Variants in ROBO1 observed in about 807,000 individuals in gnomAD.
ROBO1 encodes roundabout guidance receptor 1, also known as roundabout homolog 1.
A neutral mutation model predicts 195.9 loss-of-function variants in ROBO1; 149 were observed. That is an observed-to-expected ratio of 0.76 (90% CI 0.67 to 0.87). The LOEUF is 0.87. Ranked by LOEUF, ROBO1 falls within the 40% of genes least tolerant of loss-of-function variation. ROBO1 has a pLI of 0.00. For synonymous variants in ROBO1, 816 were observed against 733.2 expected, an observed-to-expected ratio of 1.11 and a Z score of -1.82; for missense variants, 1,933 against 2,068.3, an observed-to-expected ratio of 0.93 and a Z score of 1.27.
intron 2 of ROBO1, among the ~76,000 whole-genome samples, chr3:79,433,123 T>C (rs1301654531): frequency 6.6e-6 from 1 of 152,104 alleles, no homozygotes; most frequent in East Asian, 1.9e-4. Flanking sequence ...TCCCATCACC[T>C]AGGTATTAAG....
chr3:78,944,694 C>T (rs1192259945), intron 3 of ROBO1, among the ~76,000 whole-genome samples: 10 of 152,174 alleles, frequency 6.6e-5, no homozygotes, highest in African/African-American at 1.2e-4. Context: ...GCACCGTGTG[C>T]GAGTCAAACC....
chr3:79,679,913 G>C (rs578089336), intron 1 of ROBO1, among the ~76,000 whole-genome samples: 57 of 152,158 alleles, frequency 3.7e-4, no homozygotes, highest in African/African-American at 1.3e-3. Context: ...CAATGTTCTT[G>C]AGTTTAATGA....
At chr3:79,535,460 G>C (rs904654466) in intron 2 of ROBO1, among the ~76,000 whole-genome samples, 3 of 152,124 alleles carry the variant, frequency 2.0e-5, no homozygotes, top group Non-Finnish European at 4.4e-5. Flanking sequence ...TTATGTTAAA[G>C]TAATGAAAAT....
intron 2 of ROBO1, among the ~76,000 whole-genome samples, chr3:79,365,815 T>G (rs56900877): frequency 8.4e-4 from 125 of 149,520 alleles, no homozygotes; most frequent in African/African-American, 2.9e-3. Flanking sequence ...GAGAATGGCG[T>G]GAACCCAGGA....
intron 4 of ROBO1, among the ~76,000 whole-genome samples, chr3:78,764,809 A>G (rs762076887): frequency 1.3e-5 from 2 of 152,170 alleles, no homozygotes; most frequent in African/African-American, 4.8e-5. Flanking sequence ...CATAATTGCT[A>G]CCTGTCACAG....
At chr3:78,933,421 T>C (rs2039638302) in intron 4 of ROBO1, among the ~76,000 whole-genome samples, 1 of 152,150 alleles carries the variant, frequency 6.6e-6, no homozygotes, top group Admixed American at 6.5e-5. Context: ...TCCAAATACT[T>C]CTGCTTTTTT....
chr3:78,609,884 T>C (rs1703705867), intron 28 of ROBO1, among the ~76,000 whole-genome samples: 1 of 152,214 alleles, frequency 6.6e-6, no homozygotes, highest in Non-Finnish European at 1.5e-5. Flanking sequence ...TTTTGTTCCA[T>C]AAATATACAA....
At chr3:79,329,892 G>C (rs762714270) in intron 2 of ROBO1, among the ~76,000 whole-genome samples, 1 of 151,872 alleles carries the variant, frequency 6.6e-6, no homozygotes, top group Non-Finnish European at 1.5e-5. Flanking sequence ...GATTATATAC[G>C]TATTCTTATT....
At chr3:78,920,606 T>C (rs2038880991) in intron 4 of ROBO1, among the ~76,000 whole-genome samples, 1 of 149,686 alleles carries the variant, frequency 6.7e-6, no homozygotes, top group African/African-American at 2.5e-5. Flanking sequence ...TACCCAGCCT[T>C]TCTTTTTCTT....
intron 2 of ROBO1, among the ~76,000 whole-genome samples, chr3:79,357,352 G>A (rs1011352645): frequency 3.9e-5 from 6 of 152,232 alleles, no homozygotes; most frequent in South Asian, 2.1e-4. Context: ...CCTGTTAGAT[G>A]TCCATCCCAT....
chr3:78,904,120 T>A (rs561152289), intron 4 of ROBO1, among the ~76,000 whole-genome samples: 1 of 151,598 alleles, frequency 6.6e-6, no homozygotes, highest in African/African-American at 2.4e-5. Context: ...TGTATGTATA[T>A]ATACAACATA....
chr3:79,559,427 A>G (rs979469939), intron 2 of ROBO1, among the ~76,000 whole-genome samples: 1 of 152,206 alleles, frequency 6.6e-6, no homozygotes, highest in East Asian at 1.9e-4. Flanking sequence ...CTATAGGGAA[A>G]AAAGAAGATG....
At chr3:79,063,867 C>T (rs961363670) in intron 3 of ROBO1, among the ~76,000 whole-genome samples, 1 of 151,714 alleles carries the variant, frequency 6.6e-6, no homozygotes, top group Non-Finnish European at 1.5e-5. Context: ...TTAATCTAAT[C>T]CATATGTGGA....
intron 18 of ROBO1, 111 bp from the exon 19 acceptor site, chr3:78,652,040 T>C: frequency 1.2e-6 from 1 of 846,518 alleles, no homozygotes. Context: ...TTTCTGTTTT[T>C]CCTCTCACAC....
At chr3:79,491,782 C>A (rs1370474846) in intron 2 of ROBO1, among the ~76,000 whole-genome samples, 1 of 142,730 alleles carries the variant, frequency 7.0e-6, no homozygotes, top group South Asian at 2.2e-4. Context: ...TTTAATCTGA[C>A]TTTTTTTTTT....
At chr3:79,483,664 T>C (rs1479206381) in intron 2 of ROBO1, among the ~76,000 whole-genome samples, 2 of 152,144 alleles carry the variant, frequency 1.3e-5, no homozygotes, top group Non-Finnish European at 2.9e-5. Flanking sequence ...ATGGTAAGTA[T>C]TTGTGTAGGT....
intron 2 of ROBO1, among the ~76,000 whole-genome samples, chr3:79,529,539 A>T (rs548019666): frequency 6.6e-6 from 1 of 152,330 alleles, no homozygotes; most frequent in African/African-American, 2.4e-5. Context: ...ATTAGGTTTT[A>T]AGTTATTAAG....
intron 4 of ROBO1, among the ~76,000 whole-genome samples, chr3:78,883,502 C>T (rs1242035459): frequency 6.6e-6 from 1 of 152,082 alleles, no homozygotes; most frequent in East Asian, 1.9e-4. Flanking sequence ...CCACCTCAGC[C>T]TCCTGAGTAG....
At chr3:78,696,643 T>TATATACACAC (rs2081297500) in intron 8 of ROBO1, among the ~76,000 whole-genome samples, 1 of 147,846 alleles carries the variant, frequency 6.8e-6, no homozygotes, top group African/African-American at 2.5e-5. Flanking sequence ...TGCATATATA[T>TATATACACAC]ATATATATAC....
Sources: gnomAD v4.1 joint callset for allele counts (sites outside exome capture counted in the v4.1 genomes callset) on GRCh38, gnomAD v4.1.1 for gene constraint, MANE v1.5 for transcripts, NCBI Gene and HGNC (gene_info 2026-07-23, HGNC 2026-07-21) for gene names.